The following PPP3CA variants were observed in gnomAD, a reference collection of about 807,000 sequenced individuals.
PPP3CA encodes protein phosphatase 3 catalytic subunit alpha, also known as CAM-PRP catalytic subunit.
In PPP3CA, 14 loss-of-function variants were observed where a neutral mutation model predicts 66.5. That is an observed-to-expected ratio of 0.21 (90% CI 0.14 to 0.33). The LOEUF is 0.33. Ranked by LOEUF, PPP3CA falls within the 10% of genes least tolerant of loss-of-function variation. The pLI is 1.00. For synonymous variants in PPP3CA, 232 were observed against 226.2 expected, an observed-to-expected ratio of 1.03 and a Z score of -0.23; for missense variants, 317 against 639.5, an observed-to-expected ratio of 0.50 and a Z score of 5.44.
intron 2 of PPP3CA, among the ~76,000 whole-genome samples, chr4:101,119,384 A>G (rs1721950386): frequency 6.6e-6 from 1 of 152,058 alleles, no homozygotes; most frequent in Non-Finnish European, 1.5e-5. Flanking sequence ...TTTTGTAGCA[A>G]AGCTCATTTA....
intron 1 of PPP3CA, among the ~76,000 whole-genome samples, chr4:101,320,700 G>C (rs538278020): frequency 6.6e-6 from 1 of 152,218 alleles, no homozygotes; most frequent in South Asian, 2.1e-4. Flanking sequence ...AACAAGCAAT[G>C]TTTCAATGTA....
At position 101,270,372 on chromosome 4, in the gene PPP3CA, G is replaced by A. The variant is rs185327868; in HGVS notation, c.59-74256C>T. ...ATGTTCAATGTCAGGTACTAGATAA[G>A]CTTGTTCAAACTAAGCTTTCTTCCA... is the stretch of plus-strand genomic sequence containing the variant. On this transcript the variant is annotated intron_variant, in intron 1 of 13. Coordinates refer to ENST00000394854, the MANE Select transcript of PPP3CA (RefSeq NM_000944.5). Among the ~76,000 whole-genome samples the A allele has an allele frequency of 1.5e-3, 221 of 152,158 alleles. 2 individuals carry two copies. The highest frequency in any genetic ancestry group is 0.014 in the Admixed American group (212 of 15,272).
intron 1 of PPP3CA, among the ~76,000 whole-genome samples, chr4:101,197,717 G>A (rs563676146): frequency 2.0e-5 from 3 of 152,158 alleles, no homozygotes; most frequent in Non-Finnish European, 4.4e-5. Context: ...AGATGAGTAA[G>A]GCATACATAC....
chr4:101,208,734 TTTC>T (rs776047087), intron 1 of PPP3CA, among the ~76,000 whole-genome samples: 1 of 152,218 alleles, frequency 6.6e-6, no homozygotes, highest in Non-Finnish European at 1.5e-5. Context: ...AAATATATCA[TTTC>T]TTGTTTATGG....
intron 2 of PPP3CA, among the ~76,000 whole-genome samples, chr4:101,141,428 TC>T (rs1722805280): frequency 6.6e-6 from 1 of 152,088 alleles, no homozygotes; most frequent in Admixed American, 6.6e-5. Context: ...TGGCCCCCAC[TC>T]CTTCTCTAAC....
intron 1 of PPP3CA, among the ~76,000 whole-genome samples, chr4:101,243,805 T>G (rs999856145): frequency 2.0e-5 from 3 of 152,226 alleles, no homozygotes; most frequent in African/African-American, 7.2e-5. Context: ...AGTTCTTCTC[T>G]ACATGCCTGT....
intron 2 of PPP3CA, among the ~76,000 whole-genome samples, chr4:101,180,437 G>A (rs1035541703): frequency 6.6e-6 from 1 of 152,048 alleles, no homozygotes; most frequent in Non-Finnish European, 1.5e-5. Context: ...TCTCCTTGCA[G>A]GCCATTTTTA....
At chr4:101,029,275 C>T (rs1268004272) in intron 12 of PPP3CA, 80 bp from the exon 13 acceptor site, 37 of 1,242,276 alleles carry the variant, frequency 3.0e-5, no homozygotes, top group Non-Finnish European at 4.2e-5. Context: ...AATCAGTGAC[C>T]ATCAAAGGAG....
At chr4:101,249,202 T>A (rs530662427) in intron 1 of PPP3CA, among the ~76,000 whole-genome samples, 2 of 152,020 alleles carry the variant, frequency 1.3e-5, no homozygotes, top group African/African-American at 4.8e-5. Context: ...TTACTGCTTT[T>A]GGGGATTTTA....
At chr4:101,090,874 GTC>G (rs1315530992) in intron 6 of PPP3CA, among the ~76,000 whole-genome samples, 1 of 122,168 alleles carries the variant, frequency 8.2e-6, no homozygotes, top group South Asian at 3.0e-4. Context: ...ACATATCTGT[GTC>G]TATATTATAA....
chr4:101,145,184 T>C (rs770335865), intron 2 of PPP3CA, among the ~76,000 whole-genome samples: 5 of 152,214 alleles, frequency 3.3e-5, no homozygotes, highest in Non-Finnish European at 7.3e-5. Context: ...TGTCTGCTGT[T>C]GGTGAGAATG....
At position 101,106,453 on chromosome 4, in the gene PPP3CA, G is replaced by GAAGAGAAGAGAAA. The variant is rs775018059; in HGVS notation, c.384+2500_384+2501insTTTCTCTTCTCTT. Among the ~76,000 whole-genome samples, 6 of 35,518 alleles carry GAAGAGAAGAGAAA rather than the reference G, an allele frequency of 1.7e-4. 1 individual carries two copies. The highest frequency in any genetic ancestry group is 3.2e-4 in the Non-Finnish European group (6 of 19,016). 23.3% of individuals were successfully genotyped at this position (35,518 alleles called of 152,430 possible). A position where few individuals can be genotyped will look rare whatever the true frequency, so the allele number is the denominator to read the frequency against. On this transcript the variant is annotated intron_variant, in intron 3 of 13. Transcript: ENST00000394854. ...AGAAAGAAAGAAAGAAAGAAAGAAA[G>GAAGAGAAGAGAAA]AGAAAAGAAAAGAAAAGAAAAGAAA...
At chr4:101,280,447 C>T (rs1282551964) in intron 1 of PPP3CA, among the ~76,000 whole-genome samples, 1 of 152,128 alleles carries the variant, frequency 6.6e-6, no homozygotes, top group Admixed American at 6.6e-5. Flanking sequence ...TTAATTTAGA[C>T]AGGCAAGTGA....
At chr4:101,190,325 A>G (rs930058315) in intron 2 of PPP3CA, among the ~76,000 whole-genome samples, 4 of 152,172 alleles carry the variant, frequency 2.6e-5, no homozygotes, top group African/African-American at 9.6e-5. Context: ...AACAACAGGC[A>G]TTGCTTTACC....
At chr4:101,307,946 G>C (rs1326838882) in intron 1 of PPP3CA, among the ~76,000 whole-genome samples, 1 of 152,194 alleles carries the variant, frequency 6.6e-6, no homozygotes, top group Admixed American at 6.5e-5. Flanking sequence ...AATCCTTATT[G>C]TAAACCTATT....
chr4:101,186,415 A>C (rs1426959613), intron 2 of PPP3CA, among the ~76,000 whole-genome samples: 1 of 152,160 alleles, frequency 6.6e-6, no homozygotes, highest in East Asian at 1.9e-4. Flanking sequence ...TCAATTACCC[A>C]AACATGAAAT....
intron 1 of PPP3CA, among the ~76,000 whole-genome samples, chr4:101,283,473 T>TA (rs1727747755): frequency 6.6e-6 from 1 of 152,096 alleles, no homozygotes; most frequent in South Asian, 2.1e-4. Flanking sequence ...TAATTAGCAA[T>TA]AAAAAAGGTA....
Position 101,346,725 on chromosome 4 carries a change from G to C in PPP3CA, c.58+14C>G. The C allele has an allele frequency of 6.2e-7, 1 of 1,608,764 alleles. No individual in the cohort carries two copies. Among genetic ancestry groups the C allele is most frequent in the Non-Finnish European group, 8.5e-7 (1 of 1,177,998 alleles). On this transcript the variant is annotated intron_variant, in intron 1 of 13. Coordinates refer to ENST00000394854, the MANE Select transcript of PPP3CA (RefSeq NM_000944.5). ...GCACACGGTGCACCCAGGCCACCGC[G>C]GCGCTCCGCTTACCTTTCACCACCC...
intron 10 of PPP3CA, among the ~76,000 whole-genome samples, chr4:101,044,916 G>A (rs1727692602): frequency 6.6e-6 from 1 of 152,194 alleles, no homozygotes; most frequent in Non-Finnish European, 1.5e-5. Flanking sequence ...TTCAGCCTTA[G>A]AAAGGAACTG....
Sources: allele counts gnomAD v4.1 joint callset (sites outside exome capture counted in the v4.1 genomes callset), GRCh38; gene constraint gnomAD v4.1.1; transcripts MANE v1.5; gene names NCBI Gene and HGNC (gene_info 2026-07-23, HGNC 2026-07-21).